Variants in NKAIN2 observed in about 807,000 individuals in gnomAD.
The protein encoded by NKAIN2 is sodium/potassium-transporting ATPase subunit beta-1-interacting protein 2.
In NKAIN2, 14 loss-of-function variants were observed where a neutral mutation model predicts 32.6. That is an observed-to-expected ratio of 0.43 (90% CI 0.28 to 0.67). The LOEUF is 0.67. Ranked by LOEUF, NKAIN2 falls within the 30% of genes least tolerant of loss-of-function variation. The pLI is 0.17. For missense variants in NKAIN2, 198 were observed against 258.3 expected (o/e 0.77, Z 1.60); for synonymous variants, 80 against 87.2 (o/e 0.92, Z 0.46).
At chr6:124,267,874 A>G (rs866644508) in intron 1 of NKAIN2, among the ~76,000 whole-genome samples, 7 of 152,236 alleles carry the variant, frequency 4.6e-5, no homozygotes, top group African/African-American at 1.7e-4. Context: ...TTATGTGTTG[A>G]TTTCTTCACA....
chr6:124,041,165 T>TTA (rs1397757956), intron 1 of NKAIN2, among the ~76,000 whole-genome samples: 2 of 152,054 alleles, frequency 1.3e-5, no homozygotes, highest in African/African-American at 4.8e-5. Context: ...TTATGGTTAT[T>TTA]GCAATATCTA....
chr6:124,703,625 T>A (rs771606856), intron 4 of NKAIN2, among the ~76,000 whole-genome samples: 1 of 152,146 alleles, frequency 6.6e-6, no homozygotes. Context: ...CTGACAAGTG[T>A]GTGGAAAACA....
chr6:124,049,088 G>A (rs1055902058), intron 1 of NKAIN2, among the ~76,000 whole-genome samples: 1 of 151,922 alleles, frequency 6.6e-6, no homozygotes. Context: ...TTTCTATGTT[G>A]TCATATCCTT....
chr6:123,977,135 G>A (rs912296383), intron 1 of NKAIN2, among the ~76,000 whole-genome samples: 1 of 152,168 alleles, frequency 6.6e-6, no homozygotes, highest in Non-Finnish European at 1.5e-5. Context: ...ACCACACCCA[G>A]ATAATTTTCT....
chr6:124,314,507 G>A (rs1476280278), intron 2 of NKAIN2, among the ~76,000 whole-genome samples: 1 of 152,154 alleles, frequency 6.6e-6, no homozygotes, highest in South Asian at 2.1e-4. Context: ...ATCCAGGAAA[G>A]GGCAGAGGGA....
chr6:124,719,622 T>C (rs150163849), intron 4 of NKAIN2, among the ~76,000 whole-genome samples: 245 of 152,224 alleles, frequency 1.6e-3, no homozygotes, highest in African/African-American at 5.6e-3. Flanking sequence ...ACATCTTTCT[T>C]TTATTCTCTT....
chr6:124,671,070 A>G (rs1337299408), intron 4 of NKAIN2, among the ~76,000 whole-genome samples: 2 of 152,096 alleles, frequency 1.3e-5, no homozygotes, highest in East Asian at 3.9e-4. Context: ...TGCAGCAAGC[A>G]GCTGTACCAA....
chr6:123,996,681 C>T (rs1204940195), intron 1 of NKAIN2, among the ~76,000 whole-genome samples: 1 of 151,998 alleles, frequency 6.6e-6, no homozygotes, highest in South Asian at 2.1e-4. Context: ...ATACTTTATT[C>T]TTGTTGACAT....
intron 1 of NKAIN2, among the ~76,000 whole-genome samples, chr6:124,055,467 C>G (rs1212149107): frequency 6.6e-6 from 1 of 151,880 alleles, no homozygotes; most frequent in Non-Finnish European, 1.5e-5. Flanking sequence ...CTATTTAGTT[C>G]CTTGTTTTTT....
intron 1 of NKAIN2, among the ~76,000 whole-genome samples, chr6:124,148,262 C>T (rs1022946879): frequency 1.3e-5 from 2 of 150,242 alleles, no homozygotes; most frequent in African/African-American, 2.4e-5. Context: ...TGAAAAAATG[C>T]GAATAATAAA....
chr6:124,704,350 T>C (rs1360689151), intron 4 of NKAIN2, among the ~76,000 whole-genome samples: 1 of 152,016 alleles, frequency 6.6e-6, no homozygotes, highest in Admixed American at 6.6e-5. Flanking sequence ...TTATAATTTC[T>C]ATACTCAAAT....
chr6:124,055,601 TG>T (rs1782606206), intron 1 of NKAIN2, among the ~76,000 whole-genome samples: 1 of 151,958 alleles, frequency 6.6e-6, no homozygotes, highest in South Asian at 2.1e-4. Flanking sequence ...AGTTAAGTCA[TG>T]GCAGCTCTGG....
In NKAIN2 at chr6:124,386,416, C is replaced by T. The variant is rs138159531; in HGVS notation, c.273+31069C>T. Among the ~76,000 whole-genome samples the T allele has an allele frequency of 2.8e-3, 431 of 152,270 alleles. 2 individuals are homozygous for T. Among genetic ancestry groups the T allele is most frequent in the African/African-American group, 9.1e-3 (378 of 41,568 alleles). On this transcript the variant is annotated intron_variant, in intron 3 of 6. Coordinates refer to ENST00000368417, the MANE Select transcript of NKAIN2 (RefSeq NM_001040214.3). Reference sequence around the variant, plus strand: ...ACTGTTGCTTTGACTGGACCACTTCCACCTCTTGGTAACCATTGCTCTGAT... The same window carrying T: ...ACTGTTGCTTTGACTGGACCACTTCTACCTCTTGGTAACCATTGCTCTGAT...
At chr6:124,687,342 C>T (rs1562324519) in intron 4 of NKAIN2, among the ~76,000 whole-genome samples, 1 of 131,370 alleles carries the variant, frequency 7.6e-6, no homozygotes, top group East Asian at 2.2e-4. Flanking sequence ...CATACATATA[C>T]ATATAATATA....
intron 3 of NKAIN2, among the ~76,000 whole-genome samples, chr6:124,565,321 C>T (rs192157223): frequency 2.0e-5 from 3 of 152,156 alleles, no homozygotes; most frequent in Admixed American, 6.6e-5. Flanking sequence ...ATATGACTTC[C>T]AAAGAGACTT....
chr6:124,450,423 G>A (rs938255240), intron 3 of NKAIN2, among the ~76,000 whole-genome samples: 5 of 151,830 alleles, frequency 3.3e-5, no homozygotes, highest in Admixed American at 2.6e-4. Context: ...GTGCATGTAT[G>A]ATAAATTTTT....
intron 4 of NKAIN2, among the ~76,000 whole-genome samples, chr6:124,741,152 A>G (rs1018431178): frequency 3.3e-5 from 5 of 151,622 alleles, no homozygotes; most frequent in African/African-American, 7.3e-5. Context: ...GAGTGTAGTT[A>G]GAGGAGGAAA....
intron 2 of NKAIN2, among the ~76,000 whole-genome samples, chr6:124,335,704 TC>T (rs1346525578): frequency 6.6e-6 from 1 of 152,176 alleles, no homozygotes; most frequent in African/African-American, 2.4e-5. Context: ...CTTTAAAAGT[TC>T]CTGATTTCCT....
At chr6:123,942,036 T>G (rs998945809) in intron 1 of NKAIN2, among the ~76,000 whole-genome samples, 1 of 152,020 alleles carries the variant, frequency 6.6e-6, no homozygotes. Context: ...ATTAAATAGC[T>G]AGTTGACTTT....
Sources: gnomAD v4.1 joint callset for allele counts (sites outside exome capture counted in the v4.1 genomes callset) on GRCh38, gnomAD v4.1.1 for gene constraint, MANE v1.5 for transcripts, NCBI Gene and HGNC (gene_info 2026-07-23, HGNC 2026-07-21) for gene names.